The following CSDE1 variants were observed in gnomAD, a reference collection of about 807,000 sequenced individuals.
CSDE1 encodes cold shock domain containing E1.
A neutral mutation model predicts 89.3 loss-of-function variants in CSDE1; 17 were observed. The observed-to-expected ratio is 0.19, with a 90% CI of 0.13 to 0.29. The LOEUF (loss-of-function observed/expected upper bound fraction) is 0.29, where lower values mean the gene tolerates loss of function less well. Ranked by LOEUF, CSDE1 falls within the 10% of genes least tolerant of loss-of-function variation. The pLI is 1.00. For missense variants in CSDE1, 672 were observed against 984.2 expected, an observed-to-expected ratio of 0.68 and a Z score of 4.24; for synonymous variants, 322 against 332.8, an observed-to-expected ratio of 0.97 and a Z score of 0.35.
At chr1:114,756,305 A>G (rs1661593336) in intron 1 of CSDE1, among the ~76,000 whole-genome samples, 1 of 152,186 alleles carries the variant, frequency 6.6e-6, no homozygotes. Flanking sequence ...CTTCTCTTTT[A>G]TTTTAGTCCC....
At chr1:114,737,357 A>T (rs1457482083) in intron 5 of CSDE1, 114 bp downstream of exon 5, 4 of 910,106 alleles carry the variant, frequency 4.4e-6, no homozygotes, top group Non-Finnish European at 6.7e-6. Flanking sequence ...TAGAAACCAA[A>T]TTTAAAACTG....
rs1382346206 is a variant in CSDE1 at position 114,717,199 on chromosome 1, T to C, written c.*970A>G. The C allele has an allele frequency of 2.0e-5, 3 of 152,470 alleles. No individual in the cohort carries two copies. The highest frequency in any genetic ancestry group is 4.8e-5 in the African/African-American group (2 of 41,416). 9.4% of individuals were successfully genotyped at this position (152,470 alleles called of 1,614,324 possible). On this transcript the variant is annotated 3_prime_UTR_variant, in exon 20 of 20. Transcript: ENST00000358528. ...ATCAGACCCATCCATTCCCGTGATA[T>C]AAAGTTGAACAGAAGCTACACCAAG...
At chr1:114,727,729 G>T (rs1278400829) in intron 12 of CSDE1, 1 of 152,176 alleles carries the variant, frequency 6.6e-6, no homozygotes, top group African/African-American at 2.4e-5. Context: ...GGGCTGGTCT[G>T]AAGGTAGTGG....
intron 13 of CSDE1, 58 bp downstream of exon 13, chr1:114,726,925 G>T: frequency 8.6e-7 from 1 of 1,165,900 alleles, no homozygotes; most frequent in Non-Finnish European, 1.3e-6. Flanking sequence ...CATCCTGCAG[G>T]ATTTATGATT....
At chr1:114,747,735 G>A (rs1253241348) in intron 2 of CSDE1, among the ~76,000 whole-genome samples, 1 of 152,008 alleles carries the variant, frequency 6.6e-6, no homozygotes, top group Non-Finnish European at 1.5e-5. Context: ...ATGCGCGCCT[G>A]TAATTTCAGC....
intron 2 of CSDE1, among the ~76,000 whole-genome samples, chr1:114,742,529 C>T (rs1445218750): frequency 6.6e-6 from 1 of 152,160 alleles, no homozygotes; most frequent in African/African-American, 2.4e-5. Flanking sequence ...TTGCAGTGAG[C>T]CGAAATTGTG....
At chr1:114,757,770 A>T (rs1661698418) in intron 1 of CSDE1, among the ~76,000 whole-genome samples, 155 bp downstream of exon 1, 1 of 151,992 alleles carries the variant, frequency 6.6e-6, no homozygotes, top group Non-Finnish European at 1.5e-5. Context: ...ACGTATGAAA[A>T]AGCCCAGGGC....
chr1:114,736,824 T>G lies in CSDE1; in HGVS notation c.434A>C (p.Asp145Ala). 1 of 1,612,876 alleles carries G rather than the reference T, an allele frequency of 6.2e-7. No individual in the cohort carries two copies. The highest frequency in any genetic ancestry group is 8.5e-7 in the Non-Finnish European group (1 of 1,179,396). Residue 145 changes from aspartate to alanine, a missense_variant, in exon 6 of 20, where the codon GAT becomes GCT. Coordinates refer to ENST00000358528, the MANE Select transcript of CSDE1 (RefSeq NM_001007553.3). Reference sequence around the variant, plus strand: ...TTCCAGCTGAACGTTCCCTTCGACATCTTCAGGGGTGTAAGTCAGATAAAA... The same window carrying G: ...TTCCAGCTGAACGTTCCCTTCGACAGCTTCAGGGGTGTAAGTCAGATAAAA... ...EVFYLTYTPE[D>A]VEGNVQLETG... is the part of the protein sequence containing the mutation.
chr1:114,742,504 C>A (rs1020850562), intron 2 of CSDE1, among the ~76,000 whole-genome samples: 1 of 152,136 alleles, frequency 6.6e-6, no homozygotes, highest in African/African-American at 2.4e-5. Context: ...ATTGCTTGAA[C>A]CCAGGAGGCG....
chr1:114,744,283 A>G (rs1447335758), intron 2 of CSDE1, among the ~76,000 whole-genome samples: 1 of 152,156 alleles, frequency 6.6e-6, no homozygotes, highest in African/African-American at 2.4e-5. Flanking sequence ...TAATGTCTTA[A>G]AAAATATTTA....
intron 9 of CSDE1, 21 bp from the exon 10 acceptor site, chr1:114,732,837 T>C (rs1486869789): frequency 5.1e-6 from 8 of 1,581,788 alleles, no homozygotes; most frequent in African/African-American, 1.3e-5. Flanking sequence ...GGAAAAACGA[T>C]TTTAGCTGGA....
At chr1:114,749,671 G>A (rs1048778564) in intron 2 of CSDE1, 150 bp downstream of exon 2, 1 of 152,288 alleles carries the variant, frequency 6.6e-6, no homozygotes, top group Non-Finnish European at 1.5e-5. Flanking sequence ...TCTAACAAGA[G>A]ATAGTGTTGA....
rs1570883888 is a variant in CSDE1, at chr1:114,718,350, A to G, written c.2350-134T>C. 1.1e-5 allele frequency: 12 copies of G among 1,131,756 alleles called. No homozygotes were observed. The East Asian group carries it at 3.0e-4, about 28-fold the overall frequency. 70.1% of individuals were successfully genotyped at this position (1,131,756 alleles called of 1,614,324 possible). A position where few individuals can be genotyped will look rare whatever the true frequency, so the allele number is the denominator to read the frequency against. On this transcript the variant is annotated intron_variant, in intron 19 of 19. Coordinates refer to ENST00000358528, the MANE Select transcript of CSDE1 (RefSeq NM_001007553.3). The stretch of plus-strand genomic sequence containing the variant: ...TCTTATGCAGTACTAATTCTTTCCT[A>G]GAGGAGAAAATCCACAGTAAGCACT...
intron 9 of CSDE1, 33 bp from the exon 10 acceptor site, chr1:114,732,849 A>T (rs575447352): frequency 2.0e-6 from 3 of 1,538,240 alleles, no homozygotes; most frequent in Admixed American, 1.7e-5. Context: ...TTAGCTGGAG[A>T]TTTCTCATCC....
chr1:114,718,341 T>C, intron 19 of CSDE1, 125 bp from the exon 20 acceptor site: 4 of 1,181,780 alleles, frequency 3.4e-6, no homozygotes, highest in Non-Finnish European at 4.8e-6. Context: ...GCAGTACTAA[T>C]TCTTTCCTAG....
rs1236017957 is a variant in CSDE1 at position 114,749,798 on chromosome 1, TTAA to T, written c.-1+20_-1+22del. Reference sequence around the variant, plus strand: ...AAATCTAGAATTATGGAACTGATTCTTAATAGGAAATTACAAACCTACCTCGCA... The same window carrying T: ...AAATCTAGAATTATGGAACTGATTCTTAGGAAATTACAAACCTACCTCGCA... On this transcript the variant is annotated intron_variant, in intron 2 of 19. Transcript: ENST00000358528. The T allele has an allele frequency of 2.0e-5, 3 of 152,646 alleles. No homozygotes were observed. Among genetic ancestry groups the T allele is most frequent in the African/African-American group, 7.2e-5 (3 of 41,456 alleles). The allele number at this position is 152,646 out of a possible 1,614,324, so 9.5% of individuals were successfully genotyped here.
intron 2 of CSDE1, chr1:114,741,806 A>G: frequency 1.6e-6 from 1 of 616,432 alleles, no homozygotes. Context: ...AATACATAGA[A>G]TTAACATTAC....
At chr1:114,747,469 T>C (rs771153561) in intron 2 of CSDE1, among the ~76,000 whole-genome samples, 11 of 152,370 alleles carry the variant, frequency 7.2e-5, no homozygotes, top group Non-Finnish European at 8.8e-5. Context: ...AAAATGTTCA[T>C]GTAGTAAACT....
At chr1:114,746,513 A>G (rs1430279604) in intron 2 of CSDE1, 1 of 152,116 alleles carries the variant, frequency 6.6e-6, no homozygotes, top group East Asian at 1.9e-4. Context: ...GACTCTTTGT[A>G]GTTTATCTTT....
Sources: gnomAD v4.1 joint callset for allele counts (sites outside exome capture counted in the v4.1 genomes callset) on GRCh38, gnomAD v4.1.1 for gene constraint, MANE v1.5 for transcripts, NCBI Gene and HGNC (gene_info 2026-07-23, HGNC 2026-07-21) for gene names.